The following GRIK1 variants were observed in gnomAD, a reference collection of about 807,000 sequenced individuals.
GRIK1 encodes the protein glutamate receptor ionotropic, kainate 1.
A neutral mutation model predicts 105.7 loss-of-function variants in GRIK1; 69 were observed. That is an observed-to-expected ratio of 0.65 (90% CI 0.54 to 0.80). The LOEUF (loss-of-function observed/expected upper bound fraction) is 0.80. Among genes scored for constraint, GRIK1 ranks in the 30% least tolerant of loss-of-function variants. The pLI, the probability that GRIK1 is intolerant of heterozygous loss-of-function variation, is 0.00. For missense variants in GRIK1, 1,109 were observed against 1,167.3 expected, an observed-to-expected ratio of 0.95 and a Z score of 0.73; for synonymous variants, 438 against 431.3, an observed-to-expected ratio of 1.02 and a Z score of -0.19.
chr21:29,837,176 A>G (rs2067831106), intron 1 of GRIK1, among the ~76,000 whole-genome samples: 1 of 152,138 alleles, frequency 6.6e-6, no homozygotes, highest in Non-Finnish European at 1.5e-5. Context: ...TGGTTTTCAC[A>G]CCCCTTATAT....
intron 1 of GRIK1, among the ~76,000 whole-genome samples, chr21:29,747,285 G>A (rs2065070207): frequency 6.6e-6 from 1 of 152,146 alleles, no homozygotes; most frequent in Non-Finnish European, 1.5e-5. Context: ...AGAGCAATAT[G>A]GGCATGCCAT....
intron 1 of GRIK1, among the ~76,000 whole-genome samples, chr21:29,699,965 T>TC (rs2063782047): frequency 6.6e-6 from 1 of 152,114 alleles, no homozygotes; most frequent in African/African-American, 2.4e-5. Flanking sequence ...TTCTTTTTTT[T>TC]CTCCCAAGGG....
chr21:29,744,815 C>A (rs944090598), intron 1 of GRIK1, among the ~76,000 whole-genome samples: 13 of 152,178 alleles, frequency 8.5e-5, no homozygotes, highest in Non-Finnish European at 1.8e-4. Context: ...TCACTATATG[C>A]TCAGGGCTTA....
intron 1 of GRIK1, among the ~76,000 whole-genome samples, chr21:29,877,231 A>G (rs1181450858): frequency 6.6e-6 from 1 of 152,126 alleles, no homozygotes; most frequent in Non-Finnish European, 1.5e-5. Context: ...TTAAATTTTC[A>G]TTGATGCTAG....
At chr21:29,762,350 A>G (rs1013855823) in intron 1 of GRIK1, among the ~76,000 whole-genome samples, 4 of 152,216 alleles carry the variant, frequency 2.6e-5, no homozygotes, top group African/African-American at 9.6e-5. Flanking sequence ...TTTTAAAATC[A>G]TAGCATTTTC....
In GRIK1 at chr21:29,792,704, T is replaced by A. The variant is rs146310966; in HGVS notation, c.119-98641A>T. Among the ~76,000 whole-genome samples, 28 of 152,238 alleles carry A rather than the reference T, an allele frequency of 1.8e-4. No homozygotes were observed. In the East Asian group the frequency reaches 4.6e-3, roughly 25 times the overall value. ...GCTCAGTGCAACATGATGCATGGAGTTCCGAAGGCATGGTGTGGACTCACT... is the reference window on the plus strand; with the variant it reads ...GCTCAGTGCAACATGATGCATGGAGATCCGAAGGCATGGTGTGGACTCACT... On this transcript the variant is annotated intron_variant, in intron 1 of 17. Coordinates refer to ENST00000327783, the MANE Select transcript of GRIK1 (RefSeq NM_001330994.2).
rs2066206628 is a variant in GRIK1 at position 29,784,466 on chromosome 21, A to G, written c.119-90403T>C. On this transcript the variant is annotated intron_variant, in intron 1 of 17. Transcript: ENST00000327783. Reference sequence around the variant, plus strand: ...ACAACCCTCCATCCCCCATATACATACAGTGGGTGTTGTTTGGGGTAGTAT... The same window carrying G: ...ACAACCCTCCATCCCCCATATACATGCAGTGGGTGTTGTTTGGGGTAGTAT... Among the ~76,000 whole-genome samples the G allele has an allele frequency of 2.0e-5, 3 of 152,168 alleles. No individual in the cohort carries two copies. The South Asian group carries it at 6.2e-4, about 32-fold the overall frequency.
chr21:29,602,728 G>A (rs994963617), intron 7 of GRIK1, among the ~76,000 whole-genome samples: 4 of 152,174 alleles, frequency 2.6e-5, no homozygotes, highest in African/African-American at 9.7e-5. Flanking sequence ...GAAATGATGC[G>A]AAATGAGCCT....
chr21:29,855,580 T>A (rs1049442633), intron 1 of GRIK1, among the ~76,000 whole-genome samples: 11 of 152,282 alleles, frequency 7.2e-5, no homozygotes, highest in South Asian at 6.2e-4. Context: ...GATAAGGTAT[T>A]TGAATTTTAT....
chr21:29,769,556 T>C (rs1269228234), intron 1 of GRIK1, among the ~76,000 whole-genome samples: 2 of 151,962 alleles, frequency 1.3e-5, no homozygotes, highest in Non-Finnish European at 2.9e-5. Flanking sequence ...CACAATAGGG[T>C]TTGCGCTCCT....
chr21:29,848,779 A>ATTTTTT (rs1555898508), intron 1 of GRIK1, among the ~76,000 whole-genome samples: 1,313 of 77,848 alleles, frequency 0.017, 28 homozygotes, highest in Middle Eastern at 0.026. Flanking sequence ...ATATATATAT[A>ATTTTTT]TTTTTTTTTT....
chr21:29,857,329 C>T (rs1016931995), intron 1 of GRIK1, among the ~76,000 whole-genome samples: 1 of 152,214 alleles, frequency 6.6e-6, no homozygotes, highest in Admixed American at 6.5e-5. Context: ...TGTTCTTTCC[C>T]ATGATTTCAC....
At chr21:29,905,612 A>G (rs1233660204) in intron 1 of GRIK1, among the ~76,000 whole-genome samples, 3 of 139,232 alleles carry the variant, frequency 2.2e-5, no homozygotes, top group Non-Finnish European at 3.1e-5. Context: ...TGCCCAGCAA[A>G]TTTTGTATTT....
chr21:29,601,896 T>C (rs577033694), intron 7 of GRIK1, among the ~76,000 whole-genome samples: 19 of 151,602 alleles, frequency 1.3e-4, no homozygotes, highest in African/African-American at 4.6e-4. Flanking sequence ...GGCACTTTAA[T>C]TTTTTTCTCG....
intron 1 of GRIK1, among the ~76,000 whole-genome samples, chr21:29,889,504 T>C (rs757331642): frequency 2.6e-5 from 4 of 152,088 alleles, no homozygotes; most frequent in African/African-American, 9.7e-5. Flanking sequence ...CCTTCTTTTT[T>C]TTTTCTCCTC....
intron 1 of GRIK1, among the ~76,000 whole-genome samples, chr21:29,905,910 G>A (rs1453903053): frequency 1.3e-5 from 2 of 152,034 alleles, no homozygotes; most frequent in South Asian, 2.1e-4. Context: ...TTACAGGCGT[G>A]AGCCACCGCA....
At chr21:29,619,157 G>T (rs982572082) in intron 7 of GRIK1, among the ~76,000 whole-genome samples, 6 of 148,534 alleles carry the variant, frequency 4.0e-5, no homozygotes, top group African/African-American at 1.2e-4. Context: ...TGATACAATG[G>T]GTTGGGCACG....
intron 4 of GRIK1, among the ~76,000 whole-genome samples, chr21:29,655,981 A>T (rs770913554): frequency 6.6e-6 from 1 of 152,176 alleles, no homozygotes; most frequent in African/African-American, 2.4e-5. Context: ...TCTAAATATG[A>T]ATAAGGATAT....
intron 7 of GRIK1, among the ~76,000 whole-genome samples, chr21:29,606,018 CAAAAAAA>C (rs34512911): frequency 4.7e-5 from 6 of 127,986 alleles, no homozygotes; most frequent in Non-Finnish European, 9.0e-5. Context: ...GAAAATGAAG[CAAAAAAA>C]AAAAAAAAAG....
Sources: allele counts gnomAD v4.1 joint callset (sites outside exome capture counted in the v4.1 genomes callset), GRCh38; gene constraint gnomAD v4.1.1; transcripts MANE v1.5; gene names NCBI Gene and HGNC (gene_info 2026-07-23, HGNC 2026-07-21).